Variants in PACRG observed in about 807,000 individuals in gnomAD.
PACRG encodes parkin coregulated gene protein.
A neutral mutation model predicts 29.7 loss-of-function variants in PACRG; 29 were observed. That is an observed-to-expected ratio of 0.98 (90% CI 0.73 to 1.33). The LOEUF (loss-of-function observed/expected upper bound fraction) is 1.33, where lower values mean the gene tolerates loss of function less well. Among genes scored for constraint, PACRG ranks in the 40% most tolerant of loss-of-function variants. The probability of loss-of-function intolerance (pLI) is 0.00; values close to 1 mark genes in which losing one functional copy is unlikely to be tolerated. For synonymous variants in PACRG, 116 were observed against 118.7 expected (o/e 0.98, Z 0.15); for missense variants, 279 against 316.2 (o/e 0.88, Z 0.89).
chr6:163,084,009 TA>T (rs1813313436), intron 3 of PACRG, among the ~76,000 whole-genome samples: 1 of 152,182 alleles, frequency 6.6e-6, no homozygotes. Context: ...GACTTCAAAT[TA>T]TTTTTTCCTT....
chr6:163,138,063 G>T (rs1417400088), intron 4 of PACRG, among the ~76,000 whole-genome samples: 1 of 152,250 alleles, frequency 6.6e-6, no homozygotes, highest in African/African-American at 2.4e-5. Context: ...GAGTGGGGGA[G>T]CCTGTCGGAG....
At chr6:163,130,404 C>T (rs1374452717) in intron 4 of PACRG, among the ~76,000 whole-genome samples, 1 of 152,138 alleles carries the variant, frequency 6.6e-6, no homozygotes, top group Non-Finnish European at 1.5e-5. Flanking sequence ...ACTAATTTTT[C>T]CCCACTTTGC....
chr6:163,221,049 C>A (rs920215570), intron 4 of PACRG, among the ~76,000 whole-genome samples: 1 of 152,122 alleles, frequency 6.6e-6, no homozygotes, highest in African/African-American at 2.4e-5. Context: ...TTAGTGTCTG[C>A]AGATTACTAT....
chr6:162,851,227 G>A (rs976767804), intron 2 of PACRG, among the ~76,000 whole-genome samples: 1 of 152,140 alleles, frequency 6.6e-6, no homozygotes, highest in Non-Finnish European at 1.5e-5. Context: ...CTTAATAAAT[G>A]CCCAGCTCTC....
chr6:162,749,445 T>C (rs1046057965), intron 1 of PACRG, among the ~76,000 whole-genome samples: 1 of 152,218 alleles, frequency 6.6e-6, no homozygotes, highest in African/African-American at 2.4e-5. Context: ...TAGTTTATAC[T>C]TATTACAGAG....
intron 4 of PACRG, among the ~76,000 whole-genome samples, chr6:163,254,515 G>T (rs550703687): frequency 6.6e-6 from 1 of 152,290 alleles, no homozygotes; most frequent in South Asian, 2.1e-4. Context: ...GAGCCCTCCC[G>T]TCAGCACATA....
intron 4 of PACRG, among the ~76,000 whole-genome samples, chr6:163,137,150 C>T (rs1816968823): frequency 1.3e-5 from 2 of 152,192 alleles, no homozygotes; most frequent in South Asian, 2.1e-4. Context: ...CCTTATCTAT[C>T]ACAGTCCATG....
intron 2 of PACRG, among the ~76,000 whole-genome samples, chr6:162,821,467 A>T (rs1208366963): frequency 6.6e-6 from 1 of 152,228 alleles, no homozygotes; most frequent in East Asian, 1.9e-4. Context: ...CAGTAGACTG[A>T]CAACTAGAAG....
intron 4 of PACRG, among the ~76,000 whole-genome samples, chr6:163,238,198 C>T (rs1361259687): frequency 3.3e-5 from 5 of 152,132 alleles, no homozygotes; most frequent in African/African-American, 1.2e-4. Flanking sequence ...TGTCATATTC[C>T]TATTATTTAA....
At chr6:163,196,281 C>A (rs928586852) in intron 4 of PACRG, among the ~76,000 whole-genome samples, 1 of 152,226 alleles carries the variant, frequency 6.6e-6, no homozygotes, top group Non-Finnish European at 1.5e-5. Context: ...TCTGTTGTCC[C>A]TGCTAATGAC....
At chr6:163,129,687 T>A (rs1043553704) in intron 4 of PACRG, among the ~76,000 whole-genome samples, 4 of 152,114 alleles carry the variant, frequency 2.6e-5, no homozygotes, top group Non-Finnish European at 4.4e-5. Context: ...GTGGCAGTGG[T>A]TAGGAGCACG....
At chr6:162,771,662 G>A (rs983241753) in intron 1 of PACRG, among the ~76,000 whole-genome samples, 3 of 152,004 alleles carry the variant, frequency 2.0e-5, no homozygotes, top group African/African-American at 7.3e-5. Flanking sequence ...AAAAAGAAAT[G>A]CTTATGATGA....
intron 2 of PACRG, among the ~76,000 whole-genome samples, chr6:162,856,546 C>G (rs1375533559): frequency 6.6e-6 from 1 of 152,026 alleles, no homozygotes; most frequent in Non-Finnish European, 1.5e-5. Context: ...CTTCTGGTAG[C>G]AAATAATCTA....
chr6:162,795,849 T>C (rs1429767377), intron 1 of PACRG, among the ~76,000 whole-genome samples: 2 of 152,200 alleles, frequency 1.3e-5, no homozygotes, highest in African/African-American at 4.8e-5. Context: ...TTTGTTACTA[T>C]AATTGAGTCT....
chr6:163,270,250 G>A (rs1534939), intron 4 of PACRG, among the ~76,000 whole-genome samples: 64,814 of 151,884 alleles, frequency 0.43, 14,377 homozygotes, highest in African/African-American at 0.55. Context: ...GGTCTAGGTC[G>A]GCAGGCTAAC....
chr6:162,902,635 A>T (rs1795642087), intron 2 of PACRG, among the ~76,000 whole-genome samples: 2 of 152,224 alleles, frequency 1.3e-5, no homozygotes, highest in African/African-American at 4.8e-5. Context: ...TATACAGAAT[A>T]CTTAAGTCAA....
chr6:163,269,827 GAAAGAAAGAAAAAGAAAGAAAGAAA>G (rs1783678551), intron 4 of PACRG, among the ~76,000 whole-genome samples: 1 of 32,064 alleles, frequency 3.1e-5, no homozygotes, highest in African/African-American at 1.1e-4. Flanking sequence ...GAAGGAGAAA[GAAAGAAAGAAAAAGAAAGAAAGAAA>G]GAAAGAGAAA....
chr6:162,758,685 C>T (rs1364234381), intron 1 of PACRG, among the ~76,000 whole-genome samples: 1 of 152,176 alleles, frequency 6.6e-6, no homozygotes, highest in East Asian at 1.9e-4. Flanking sequence ...ATCTCTTTCA[C>T]AGTTTTCTCA....
At chr6:162,781,869 T>C (rs1784118321) in intron 1 of PACRG, among the ~76,000 whole-genome samples, 1 of 149,436 alleles carries the variant, frequency 6.7e-6, no homozygotes, top group African/African-American at 2.4e-5. Flanking sequence ...AAAGAACAAA[T>C]GAAACAAAAA....
Sources: gnomAD v4.1 joint callset for allele counts (sites outside exome capture counted in the v4.1 genomes callset) on GRCh38, gnomAD v4.1.1 for gene constraint, MANE v1.5 for transcripts, NCBI Gene and HGNC (gene_info 2026-07-23, HGNC 2026-07-21) for gene names.